The following TUT4 variants were observed in gnomAD, a reference collection of about 807,000 sequenced individuals.
TUT4 encodes terminal uridylyltransferase 4.
In TUT4, 36 loss-of-function variants were observed where a neutral mutation model predicts 192.2. That is an observed-to-expected ratio of 0.19 (90% CI 0.14 to 0.25). The LOEUF (loss-of-function observed/expected upper bound fraction) is 0.25. Ranked by LOEUF, TUT4 falls within the 10% of genes least tolerant of loss-of-function variation. The pLI is 1.00. For synonymous variants in TUT4, 618 were observed against 666.0 expected, an observed-to-expected ratio of 0.93 and a Z score of 1.11; for missense variants, 1,493 against 1,957.2, an observed-to-expected ratio of 0.76 and a Z score of 4.47.
At position 52,481,819 on chromosome 1, in the gene TUT4, G is replaced by A. The variant is rs749384727; in HGVS notation, c.1620C>T (p.Cys540=). The A allele has an allele frequency of 6.3e-7, 1 of 1,588,840 alleles. No individual in the cohort carries two copies. Among genetic ancestry groups the A allele is most frequent in the Admixed American group, 1.9e-5 (1 of 52,202 alleles). The change falls in exon 10 of 30, where the codon TGC becomes TGT. Residue 540 remains cysteine, a synonymous_variant. Coordinates refer to ENST00000257177, the MANE Select transcript of TUT4 (RefSeq NM_001009881.3). ...TCATGCTTACCCAACTTCCAAGTAA[G>A]CAAGGAAGAAGAGGGGGTTTTCTCT... ...LQQRKPPLLP[C]LLGSWIEGFD... is the part of the protein sequence containing the mutation.
chr1:52,423,841 A>C lies in TUT4; in HGVS notation c.*94T>G, dbSNP rs931189679. ...CATTAAATGTCACTTTTTCTGCTGA[A>C]TGTAACTGACATTGAGGTACGGATA... On this transcript the variant is annotated 3_prime_UTR_variant, in exon 30 of 30. Coordinates refer to ENST00000257177, the MANE Select transcript of TUT4 (RefSeq NM_001009881.3). 30 of 1,560,876 alleles carry C rather than the reference A, an allele frequency of 1.9e-5. No homozygotes were observed. Among genetic ancestry groups the C allele is most frequent in the Non-Finnish European group, 2.3e-5 (27 of 1,152,836 alleles).
chr1:52,425,354 G>A lies in TUT4; in HGVS notation c.4865C>T (p.Thr1622Ile). Residue 1622 changes from threonine (T) to isoleucine (I), a missense_variant, in exon 29 of 30, where the codon ACT becomes ATT. Around this residue, in one of 7 missense-constraint regions of TUT4, gnomAD observed 351 missense variants for 397.8 expected, o/e 0.88. Transcript: ENST00000257177. ...ARFQPNKPFY[T>I]QDRCATRRCR... ...TAATTTGTAAGCAGTGGTACCTTGA[G>A]TATAGAAAGGTTTGTTGGGCTGGAA... is the stretch of plus-strand genomic sequence containing the variant. The A allele has an allele frequency of 6.2e-7, 1 of 1,613,650 alleles. No homozygotes were observed. The highest frequency in any genetic ancestry group is 8.5e-7 in the Non-Finnish European group (1 of 1,179,736).
chr1:52,464,353 C>G (rs545287473), intron 16 of TUT4, among the ~76,000 whole-genome samples: 1 of 152,170 alleles, frequency 6.6e-6, no homozygotes, highest in African/African-American at 2.4e-5. Context: ...CTCCTGGGTT[C>G]AAGCGATTCT....
At chr1:52,446,190 T>C in intron 22 of TUT4, 75 bp downstream of exon 22, 2 of 1,437,094 alleles carry the variant, frequency 1.4e-6, no homozygotes, top group South Asian at 1.3e-5. Context: ...CAAATCCTAA[T>C]GTATTTCAGT....
intron 5 of TUT4, 53 bp downstream of exon 5, chr1:52,496,953 A>T (rs565144229): frequency 5.6e-5 from 86 of 1,538,270 alleles, no homozygotes; most frequent in Non-Finnish European, 6.6e-5. Flanking sequence ...GTTCAAGAGG[A>T]GCAAGGGAAG....
intron 1 of TUT4, among the ~76,000 whole-genome samples, chr1:52,550,179 GTAAT>G (rs1460954820): frequency 6.6e-6 from 1 of 152,056 alleles, no homozygotes; most frequent in African/African-American, 2.4e-5. Flanking sequence ...CCCAAATTAT[GTAAT>G]TATTTAGGAT....
intron 20 of TUT4, among the ~76,000 whole-genome samples, chr1:52,450,001 C>T (rs186397702): frequency 1.2e-3 from 179 of 152,188 alleles, no homozygotes; most frequent in African/African-American, 4.0e-3. Flanking sequence ...TGTGAACACT[C>T]CCAAATCTTT....
chr1:52,431,008 G>C lies in TUT4; in HGVS notation c.4711+5C>G, dbSNP rs781447796. ...CAGATAAAAAAGAAGAAAAGGAAAG[G>C]TTACCTGAATTCCCCACTGCACCAC... On this transcript the variant is annotated splice_donor_5th_base_variant and intron_variant, in intron 28 of 29. Coordinates refer to ENST00000257177, the MANE Select transcript of TUT4 (RefSeq NM_001009881.3). 4 of 1,554,832 alleles carry C rather than the reference G, an allele frequency of 2.6e-6. No homozygotes were observed. Among genetic ancestry groups the C allele is most frequent in the Non-Finnish European group, 3.5e-6 (4 of 1,147,498 alleles).
intron 20 of TUT4, among the ~76,000 whole-genome samples, chr1:52,455,237 T>C (rs1043174864): frequency 3.0e-4 from 46 of 152,074 alleles, no homozygotes; most frequent in African/African-American, 1.1e-3. Context: ...TGAGTGGAGA[T>C]TGTGCCACTG....
chr1:52,516,319 CATTACACAAAGCTA>C (rs756815337), intron 2 of TUT4, among the ~76,000 whole-genome samples: 7 of 152,132 alleles, frequency 4.6e-5, no homozygotes, highest in African/African-American at 7.2e-5. Context: ...CTGAGACTTA[CATTACACAAAGCTA>C]ATTACACAAA....
intron 20 of TUT4, among the ~76,000 whole-genome samples, chr1:52,449,506 G>A (rs113986749): frequency 2.0e-5 from 3 of 152,188 alleles, no homozygotes; most frequent in African/African-American, 7.2e-5. Flanking sequence ...TGCCATATTG[G>A]CCAGGCTGGT....
intron 1 of TUT4, among the ~76,000 whole-genome samples, chr1:52,528,878 C>A (rs1388480328): frequency 2.0e-5 from 3 of 152,040 alleles, no homozygotes; most frequent in African/African-American, 4.8e-5. Flanking sequence ...CCACACCTGG[C>A]TAATTTTTTT....
chr1:52,547,282 G>A (rs1294869405), intron 1 of TUT4, among the ~76,000 whole-genome samples: 1 of 151,382 alleles, frequency 6.6e-6, no homozygotes, highest in Middle Eastern at 3.2e-3. Flanking sequence ...TGCACAACAG[G>A]CACATGAAGA....
intron 16 of TUT4, 179 bp downstream of exon 16, chr1:52,464,891 A>G (rs912089248): frequency 4.6e-6 from 2 of 431,416 alleles, no homozygotes; most frequent in African/African-American, 4.1e-5. Context: ...ACTTTTACTT[A>G]AGAGTTCAAT....
At chr1:52,460,240 G>A (rs1182272648) in intron 19 of TUT4, among the ~76,000 whole-genome samples, 1 of 152,098 alleles carries the variant, frequency 6.6e-6, no homozygotes, top group Non-Finnish European at 1.5e-5. Context: ...CCAGCACTTT[G>A]GGAGGCCGAG....
At chr1:52,460,370 T>C (rs1228933388) in intron 19 of TUT4, among the ~76,000 whole-genome samples, 1 of 151,988 alleles carries the variant, frequency 6.6e-6, no homozygotes, top group Non-Finnish European at 1.5e-5. Context: ...TAATCCCAGC[T>C]ACTTGGGAGG....
chr1:52,445,049 G>A (rs963534171), intron 24 of TUT4, among the ~76,000 whole-genome samples: 3 of 151,074 alleles, frequency 2.0e-5, no homozygotes. Flanking sequence ...ATGTGTGTGT[G>A]TGTCTGTGTA....
chr1:52,516,149 A>G, intron 2 of TUT4, 95 bp from the exon 3 acceptor site: 1 of 976,326 alleles, frequency 1.0e-6, no homozygotes, highest in Admixed American at 2.7e-5. Context: ...CACAGAAAAA[A>G]TATTATTTCC....
chr1:52,474,726 C>G (rs534351717), intron 13 of TUT4, 106 bp downstream of exon 13: 1 of 977,932 alleles, frequency 1.0e-6, no homozygotes, highest in East Asian at 2.7e-5. Context: ...CATTCCAAAA[C>G]AAGTCACCAC....
Sources: allele counts gnomAD v4.1 joint callset (sites outside exome capture counted in the v4.1 genomes callset), GRCh38; gene constraint gnomAD v4.1.1; regional missense constraint gnomAD v4.1.1; transcripts MANE v1.5; gene names NCBI Gene and HGNC (gene_info 2026-07-23, HGNC 2026-07-21).